Variants in DAAM2 observed in about 807,000 individuals in gnomAD.
DAAM2 encodes the protein dishevelled associated activator of morphogenesis 2.
In DAAM2, 39 loss-of-function variants were observed where a neutral mutation model predicts 120.7. The ratio of observed to expected loss-of-function variants is 0.32; its 90% CI spans 0.25 to 0.42. The LOEUF (loss-of-function observed/expected upper bound fraction) is 0.42. DAAM2 is among the 10% of genes least tolerant of loss of function. The probability of loss-of-function intolerance (pLI) is 1.00; values close to 1 mark genes in which losing one functional copy is unlikely to be tolerated. For synonymous variants in DAAM2, 488 were observed against 524.9 expected (o/e 0.93, Z 0.96); for missense variants, 1,283 against 1,401.7 (o/e 0.92, Z 1.35).
At chr6:39,900,858 T>G (rs974968830) in intron 23 of DAAM2, among the ~76,000 whole-genome samples, 1 of 152,210 alleles carries the variant, frequency 6.6e-6, no homozygotes, top group East Asian at 1.9e-4. Flanking sequence ...CACTGTTTTA[T>G]AGCCACCAAC....
At chr6:39,844,710 C>T (rs942149207) in intron 1 of DAAM2, among the ~76,000 whole-genome samples, 1 of 152,082 alleles carries the variant, frequency 6.6e-6, no homozygotes, top group African/African-American at 2.4e-5. Context: ...CCTTTATAAA[C>T]GAAGAGCGGG....
At chr6:39,825,384 T>C (rs1056010876) in intron 1 of DAAM2, among the ~76,000 whole-genome samples, 7 of 101,482 alleles carry the variant, frequency 6.9e-5, no homozygotes, top group African/African-American at 2.3e-4. Context: ...CAAGACTGTT[T>C]AAAACAAAAC....
chr6:39,889,340 T>C (rs1765559625), intron 17 of DAAM2, among the ~76,000 whole-genome samples: 1 of 152,162 alleles, frequency 6.6e-6, no homozygotes. Context: ...TATGATTAGT[T>C]ATCAGAGAAA....
At chr6:39,830,911 G>T (rs1041950650) in intron 1 of DAAM2, among the ~76,000 whole-genome samples, 1 of 152,186 alleles carries the variant, frequency 6.6e-6, no homozygotes, top group Non-Finnish European at 1.5e-5. Flanking sequence ...CCTCCATCAG[G>T]CAGAAACTGG....
At position 39,904,021 on chromosome 6, in the gene DAAM2, A is replaced by G. The variant is rs1196492674; in HGVS notation, c.*1984A>G. On this transcript the variant is annotated 3_prime_UTR_variant, in exon 25 of 25. Transcript: ENST00000274867. ...ATGGGAGGTTGTGGGTGAGGCCTCT[A>G]AAGGTCCTCTCCCAAACTGACCAGG... is the stretch of plus-strand genomic sequence containing the variant. 1.1e-5 allele frequency: 4 copies of G among 364,162 alleles called. No homozygotes were observed. The highest frequency in any genetic ancestry group is 2.1e-5 in the African/African-American group (1 of 46,836). The allele number at this position is 364,162 out of a possible 1,614,324, so 22.6% of individuals were successfully genotyped here.
At chr6:39,875,755 C>T (rs755580658) in intron 11 of DAAM2, among the ~76,000 whole-genome samples, 10 of 152,170 alleles carry the variant, frequency 6.6e-5, no homozygotes, top group African/African-American at 2.4e-4. Context: ...CCACATGACA[C>T]GTGGCTAGTG....
chr6:39,865,122 G>A, intron 5 of DAAM2, 48 bp downstream of exon 5: 3 of 1,152,926 alleles, frequency 2.6e-6, no homozygotes, highest in Non-Finnish European at 3.8e-6. Context: ...CTTCACAGTT[G>A]GTCTCCTTGC....
intron 1 of DAAM2, among the ~76,000 whole-genome samples, chr6:39,850,240 G>A (rs554995889): frequency 2.0e-5 from 3 of 152,232 alleles, no homozygotes; most frequent in Admixed American, 6.5e-5. Context: ...TGCTTATGCC[G>A]TTTTCCTTGC....
chr6:39,811,577 G>A (rs1468932982), intron 1 of DAAM2, among the ~76,000 whole-genome samples: 1 of 152,084 alleles, frequency 6.6e-6, no homozygotes, highest in Non-Finnish European at 1.5e-5. Context: ...CATGGAATGT[G>A]GATTCCTTAA....
chr6:39,863,196 T>C (rs535234214), intron 3 of DAAM2, among the ~76,000 whole-genome samples: 7 of 152,000 alleles, frequency 4.6e-5, no homozygotes, highest in Admixed American at 1.3e-4. Context: ...TAGGTCCCCA[T>C]TCAGTGCATA....
At chr6:39,825,534 G>A (rs77210831) in intron 1 of DAAM2, among the ~76,000 whole-genome samples, 12,997 of 151,526 alleles carry the variant, frequency 0.086, 1,108 homozygotes, top group East Asian at 0.32. Context: ...GTGTTGGGGG[G>A]CACTTTCCTG....
Position 39,856,282 on chromosome 6 carries a change from G to A in DAAM2, c.-21G>A, listed in dbSNP as rs758879407. 6.8e-6 allele frequency: 10 copies of A among 1,468,434 alleles called. No homozygotes were observed. Among genetic ancestry groups the A allele is most frequent in the South Asian group, 5.7e-5 (4 of 70,330 alleles). 91.0% of individuals were successfully genotyped at this position (1,468,434 alleles called of 1,614,324 possible). On this transcript the variant is annotated 5_prime_UTR_variant, in exon 2 of 25. Coordinates refer to ENST00000274867, the MANE Select transcript of DAAM2 (RefSeq NM_001201427.2). ...GGACCTAGGGCATCTGTCTGCTGAC[G>A]CCCCCTGGCCTGCAGTGACCATGGC... is the stretch of plus-strand genomic sequence containing the variant.
chr6:39,830,698 C>T (rs1298808683), intron 1 of DAAM2, among the ~76,000 whole-genome samples: 3 of 152,296 alleles, frequency 2.0e-5, no homozygotes, highest in South Asian at 2.1e-4. Context: ...CTCCTGCACT[C>T]CCAAATGCTC....
In DAAM2 at chr6:39,903,977, A is replaced by C. The variant is rs942893262; in HGVS notation, c.*1940A>C. 1.1e-5 allele frequency: 4 copies of C among 351,018 alleles called. No homozygotes were observed. Among genetic ancestry groups the C allele is most frequent in the African/African-American group, 8.6e-5 (4 of 46,644 alleles). 21.7% of individuals were successfully genotyped at this position (351,018 alleles called of 1,614,324 possible). A position where few individuals can be genotyped will look rare whatever the true frequency, so the allele number is the denominator to read the frequency against. On this transcript the variant is annotated 3_prime_UTR_variant, in exon 25 of 25. Coordinates refer to ENST00000274867, the MANE Select transcript of DAAM2 (RefSeq NM_001201427.2). Reference sequence around the variant, plus strand: ...CTGCAGCCCCAAGAGCTCCCACTGCAAGACAAGTGTTGGGGAAGATGGGAG... The same window carrying C: ...CTGCAGCCCCAAGAGCTCCCACTGCCAGACAAGTGTTGGGGAAGATGGGAG...
At chr6:39,837,663 CAAAAAAA>C (rs758751293) in intron 1 of DAAM2, among the ~76,000 whole-genome samples, 13 of 41,196 alleles carry the variant, frequency 3.2e-4, no homozygotes, top group Admixed American at 6.4e-4. Flanking sequence ...AACTCCATCT[CAAAAAAA>C]AAAAAAAAAA....
intron 1 of DAAM2, among the ~76,000 whole-genome samples, chr6:39,838,278 A>G (rs914380939): frequency 3.9e-5 from 6 of 152,234 alleles, no homozygotes; most frequent in African/African-American, 1.2e-4. Flanking sequence ...TAAGGCACCC[A>G]AGGAGGTGCA....
intron 15 of DAAM2, chr6:39,887,082 G>A (rs1765420479): frequency 5.9e-6 from 1 of 168,138 alleles, no homozygotes; most frequent in Non-Finnish European, 1.3e-5. Context: ...AGGGCCTCTG[G>A]GTTGGGCAGT....
At position 39,904,571 on chromosome 6, in the gene DAAM2, T is replaced by C. The variant is rs1766699640; in HGVS notation, c.*2534T>C. On this transcript the variant is annotated 3_prime_UTR_variant, in exon 25 of 25. Coordinates refer to ENST00000274867, the MANE Select transcript of DAAM2 (RefSeq NM_001201427.2). The stretch of plus-strand genomic sequence containing the variant: ...AACCTTCTCAGCAGCATTTCTCCCC[T>C]GTGATGGAAATAAAGTGTTTAGGGC... 2.2e-6 allele frequency: 1 copy of C among 445,082 alleles called. No individual in the cohort carries two copies. Among genetic ancestry groups the C allele is most frequent in the African/African-American group, 2.3e-5 (1 of 44,414 alleles). 27.6% of individuals were successfully genotyped at this position (445,082 alleles called of 1,614,324 possible). A position where few individuals can be genotyped will look rare whatever the true frequency, so the allele number is the denominator to read the frequency against.
In DAAM2 at chr6:39,896,802, C is replaced by T. The variant is rs368625687; in HGVS notation, c.2342-10C>T. The stretch of plus-strand genomic sequence containing the variant: ...CCATGCAGGCCTCTGACCTGTGCCT[C>T]CTCTCCCAGCCATCCTGTTGGCCTC... On this transcript the variant is annotated splice_polypyrimidine_tract_variant and intron_variant, in intron 19 of 24. Transcript: ENST00000274867. 237 of 1,580,710 alleles carry T rather than the reference C, an allele frequency of 1.5e-4. 1 individual carries two copies. In the African/African-American group the frequency reaches 2.5e-3, roughly 17 times the overall value.
Sources: gnomAD v4.1 joint callset for allele counts (sites outside exome capture counted in the v4.1 genomes callset) on GRCh38, gnomAD v4.1.1 for gene constraint, MANE v1.5 for transcripts, NCBI Gene and HGNC (gene_info 2026-07-23, HGNC 2026-07-21) for gene names.